The following AKTIP variants were observed in gnomAD, a reference collection of about 807,000 sequenced individuals.
AKTIP encodes the protein AKT-interacting protein.
In AKTIP, 16 loss-of-function variants were observed where a neutral mutation model predicts 39.1. That is an observed-to-expected ratio of 0.41 (90% CI 0.28 to 0.62). AKTIP has a LOEUF of 0.62. Among genes scored for constraint, AKTIP ranks in the 20% least tolerant of loss-of-function variants. The pLI is 0.32. For synonymous variants in AKTIP, 93 were observed against 124.3 expected, an observed-to-expected ratio of 0.75 and a Z score of 1.67; for missense variants, 262 against 356.6, an observed-to-expected ratio of 0.73 and a Z score of 2.14.
chr16:53,501,197 A>G (rs1962149075), intron 1 of AKTIP: 1 of 152,246 alleles, frequency 6.6e-6, no homozygotes, highest in Non-Finnish European at 1.5e-5. Flanking sequence ...TAAGACGACA[A>G]AAGTAGTTAC....
rs1451885697 is a variant in AKTIP at position 53,498,326 on chromosome 16, T to C, written c.248+65A>G. On this transcript the variant is annotated intron_variant, in intron 3 of 9. Transcript: ENST00000394657. ...CTGCCCTTTACTGCATCCATCAGAA[T>C]AAATTTCATTCTTCACTTTAAAGGA... 8 of 1,545,010 alleles carry C rather than the reference T, an allele frequency of 5.2e-6. No individual in the cohort carries two copies. The Admixed American group carries it at 8.4e-5, about 16-fold the overall frequency.
intron 2 of AKTIP, among the ~76,000 whole-genome samples, chr16:53,499,648 G>GA (rs1245644232): frequency 6.6e-6 from 1 of 151,876 alleles, no homozygotes; most frequent in Non-Finnish European, 1.5e-5. Context: ...ATTTAGTAGA[G>GA]ACGGGGTTTC....
Position 53,494,032 on chromosome 16 carries a change from C to T in AKTIP, c.710+106G>A, listed in dbSNP as rs1961669784. 4.1e-5 allele frequency: 34 copies of T among 836,754 alleles called. 1 individual carries two copies. In the East Asian group the frequency reaches 8.4e-4, roughly 21 times the overall value. The allele number at this position is 836,754 out of a possible 1,614,324, so 51.8% of individuals were successfully genotyped here. ...AGTTATAAAGGTTGTAGGCTAACAG[C>T]TTATGCATGTGCCTTTTTATATCCC... On this transcript the variant is annotated intron_variant, in intron 8 of 9. Transcript: ENST00000394657.
At chr16:53,496,942 A>G (rs1405128309) in intron 3 of AKTIP, among the ~76,000 whole-genome samples, 1 of 151,984 alleles carries the variant, frequency 6.6e-6, no homozygotes, top group Non-Finnish European at 1.5e-5. Context: ...AGTAGCCGGG[A>G]CTATAGGTCT....
At chr16:53,501,441 G>C (rs781330778) in intron 1 of AKTIP, 14 of 152,204 alleles carry the variant, frequency 9.2e-5, no homozygotes, top group Non-Finnish European at 1.9e-4. Flanking sequence ...AAAATACAAA[G>C]AAGCAAAGGA....
Position 53,495,424 on chromosome 16 carries a change from A to G in AKTIP, c.249-98T>C. The G allele has an allele frequency of 6.9e-6, 8 of 1,151,202 alleles. 1 individual carries two copies. Among genetic ancestry groups the G allele is most frequent in the Admixed American group, 3.9e-5 (2 of 51,534 alleles). The allele number at this position is 1,151,202 out of a possible 1,614,324, so 71.3% of individuals were successfully genotyped here. On this transcript the variant is annotated intron_variant, in intron 3 of 9. Coordinates refer to ENST00000394657, the MANE Select transcript of AKTIP (RefSeq NM_022476.4). ...CTTTGAGACAATGAACGGCCCCTCA[A>G]TGGGCAGCTGATGCCCAAACCCTGC...
At chr16:53,492,818 T>G (rs759492807) in intron 8 of AKTIP, 65 bp from the exon 9 acceptor site, 65 of 1,504,846 alleles carry the variant, frequency 4.3e-5, no homozygotes, top group Non-Finnish European at 5.5e-5. Context: ...AACATTCATT[T>G]TGCAGTTTTA....
chr16:53,495,360 A>C lies in AKTIP; in HGVS notation c.249-34T>G, dbSNP rs1318437617. On this transcript the variant is annotated intron_variant, in intron 3 of 9. Transcript: ENST00000394657. Reference sequence around the variant, plus strand: ...AAAGCAGAATAATTAACTTGTGTGGATACAAATGACACATGCAGATCAAAC... The same window carrying C: ...AAAGCAGAATAATTAACTTGTGTGGCTACAAATGACACATGCAGATCAAAC... 2.5e-6 allele frequency: 4 copies of C among 1,607,462 alleles called. No homozygotes were observed. The African/African-American group carries it at 4.0e-5, about 16-fold the overall frequency.
intron 3 of AKTIP, among the ~76,000 whole-genome samples, chr16:53,496,666 C>T (rs1961858681): frequency 6.6e-6 from 1 of 152,054 alleles, no homozygotes; most frequent in Admixed American, 6.5e-5. Flanking sequence ...AATCCAGTCT[C>T]TTACTAAAAC....
upstream of AKTIP, among the ~76,000 whole-genome samples, chr16:53,503,831 T>C (rs769295987): frequency 3.3e-5 from 5 of 152,312 alleles, no homozygotes; most frequent in Non-Finnish European, 7.3e-5. Context: ...GAAACGCCCG[T>C]TCTCTCCATC....
intron 2 of AKTIP, 31 bp from the exon 3 acceptor site, chr16:53,498,627 T>C: frequency 5.0e-6 from 8 of 1,598,370 alleles, no homozygotes; most frequent in Non-Finnish European, 6.9e-6. Context: ...AGAATATCTG[T>C]TAGGATGATT....
intron 1 of AKTIP, among the ~76,000 whole-genome samples, chr16:53,502,120 T>C (rs557436472): frequency 5.3e-5 from 8 of 152,324 alleles, no homozygotes; most frequent in Middle Eastern, 3.4e-3. Flanking sequence ...GGATTCTCTT[T>C]AAGAATCCAG....
At position 53,492,678 on chromosome 16, in the gene AKTIP, T is replaced by G; in HGVS notation, c.771+15A>C. 6.2e-7 allele frequency: 1 copy of G among 1,613,476 alleles called. No individual in the cohort carries two copies. Among genetic ancestry groups the G allele is most frequent in the South Asian group, 1.1e-5 (1 of 91,058 alleles). On this transcript the variant is annotated intron_variant, in intron 9 of 9. Transcript: ENST00000394657. Reference sequence around the variant, plus strand: ...AACAATGAGTTAGCCATTTCATAAGTTGTTATCCACTTACTTTCTGAGTCA... The same window carrying G: ...AACAATGAGTTAGCCATTTCATAAGGTGTTATCCACTTACTTTCTGAGTCA...
Position 53,491,670 on chromosome 16 carries a change from G to C in AKTIP, c.*742C>G, listed in dbSNP as rs1961472219. On this transcript the variant is annotated 3_prime_UTR_variant, in exon 10 of 10. Coordinates refer to ENST00000394657, the MANE Select transcript of AKTIP (RefSeq NM_022476.4). ...ATTAGCCTTTGTTTGGTTATATTGA[G>C]AAAAGGGTAGTTTCCTGCATAAATG... 1.3e-5 allele frequency: 2 copies of C among 152,600 alleles called. No homozygotes were observed. The highest frequency in any genetic ancestry group is 4.1e-4 in the South Asian group (2 of 4,836). The allele number at this position is 152,600 out of a possible 1,614,324, so 9.5% of individuals were successfully genotyped here. A position where few individuals can be genotyped will look rare whatever the true frequency, so the allele number is the denominator to read the frequency against.
intron 8 of AKTIP, 189 bp from the exon 9 acceptor site, chr16:53,492,942 C>A: frequency 1.7e-6 from 1 of 580,158 alleles, no homozygotes; most frequent in Non-Finnish European, 3.1e-6. Flanking sequence ...CATGAATGAT[C>A]TCATTTAAGC....
At position 53,491,926 on chromosome 16, in the gene AKTIP, T is replaced by TAAGA. The variant is rs1346688613; in HGVS notation, c.*482_*485dup. The TAAGA allele has an allele frequency of 1.3e-5, 2 of 152,794 alleles. No homozygotes were observed. Among genetic ancestry groups the TAAGA allele is most frequent in the African/African-American group, 2.4e-5 (1 of 41,436 alleles). 9.5% of individuals were successfully genotyped at this position (152,794 alleles called of 1,614,324 possible). On this transcript the variant is annotated 3_prime_UTR_variant, in exon 10 of 10. Transcript: ENST00000394657. ...TCAGTGATTTCAGTTTGTAAATCAG[T>TAAGA]AAGACAGTGCAGGCTACAAATCAGT... is the stretch of plus-strand genomic sequence containing the variant.
Position 53,492,716 on chromosome 16 carries a change from T to G in AKTIP, c.748A>C (p.Arg250=). Residue 250 remains arginine, a synonymous_variant, in exon 9 of 10, where the codon AGA becomes CGA. Transcript: ENST00000394657. ...PWNPSVHDEA[R]EKMLTQKKPE... ...ACTTTCTGAGTCAGCATCTTTTCTC[T>G]GGCTTCATCATGTACAGAAGGATTC... 3 of 1,614,156 alleles carry G rather than the reference T, an allele frequency of 1.9e-6. No individual in the cohort carries two copies. The Middle Eastern group carries it at 4.9e-4, about 266-fold the overall frequency.
At chr16:53,495,705 T>G (rs537580525) in intron 3 of AKTIP, among the ~76,000 whole-genome samples, 3 of 152,374 alleles carry the variant, frequency 2.0e-5, no homozygotes, top group Admixed American at 1.3e-4. Context: ...GTAAGTTCTG[T>G]ACAGCTGAGG....
chr16:53,495,863 A>T (rs1961799150), intron 3 of AKTIP, among the ~76,000 whole-genome samples: 1 of 152,260 alleles, frequency 6.6e-6, no homozygotes, highest in African/African-American at 2.4e-5. Flanking sequence ...CCACAGCAGA[A>T]GGCAATGTTC....
Sources: gnomAD v4.1 joint callset for allele counts (sites outside exome capture counted in the v4.1 genomes callset) on GRCh38, gnomAD v4.1.1 for gene constraint, MANE v1.5 for transcripts, NCBI Gene and HGNC (gene_info 2026-07-23, HGNC 2026-07-21) for gene names.